The following EXT2 variants were observed in gnomAD, a reference collection of about 807,000 sequenced individuals.
The protein encoded by EXT2 is exostosin-2.
In EXT2, 53 loss-of-function variants were observed where a neutral mutation model predicts 81.6. That is an observed-to-expected ratio of 0.65 (90% CI 0.52 to 0.82). EXT2 has a LOEUF of 0.82. EXT2 is among the 40% of genes least tolerant of loss of function. The probability of loss-of-function intolerance (pLI) is 0.00; values close to 1 mark genes in which losing one functional copy is unlikely to be tolerated. For synonymous variants in EXT2, 320 were observed against 340.0 expected (o/e 0.94, Z 0.65); for missense variants, 774 against 910.2 (o/e 0.85, Z 1.93).
chr11:44,162,157 A>G (rs937277313), intron 7 of EXT2, among the ~76,000 whole-genome samples: 14 of 152,236 alleles, frequency 9.2e-5, no homozygotes, highest in Non-Finnish European at 1.5e-4. Flanking sequence ...TAATTGTACC[A>G]TGGTGATGTA....
chr11:44,101,111 G>T (rs1953975217), intron 1 of EXT2, among the ~76,000 whole-genome samples: 1 of 152,194 alleles, frequency 6.6e-6, no homozygotes. Context: ...GTGGGTTGGG[G>T]GTGGGGTGGG....
intron 8 of EXT2, among the ~76,000 whole-genome samples, chr11:44,187,294 C>G (rs1955328951): frequency 7.2e-6 from 1 of 138,610 alleles, no homozygotes; most frequent in African/African-American, 2.5e-5. Context: ...CCTCCTGCTT[C>G]AGCCTCCTAA....
At chr11:44,207,098 C>T (rs1369631547) in intron 10 of EXT2, 139 bp downstream of exon 10, 44 of 953,892 alleles carry the variant, frequency 4.6e-5, no homozygotes, top group Middle Eastern at 2.8e-4. Context: ...AAAAGGTGTG[C>T]GTAAGAGTGT....
At chr11:44,128,680 C>A (rs2135025218) in intron 6 of EXT2, among the ~76,000 whole-genome samples, 1 of 152,206 alleles carries the variant, frequency 6.6e-6, no homozygotes. Flanking sequence ...AAGGGTATTT[C>A]TATGAGAATC....
chr11:44,171,544 G>C (rs962698174), intron 7 of EXT2, 67 bp from the exon 8 acceptor site: 3 of 1,611,286 alleles, frequency 1.9e-6, no homozygotes, highest in Non-Finnish European at 2.5e-6. Flanking sequence ...AGTTGACTAT[G>C]ATAGAGTATC....
chr11:44,108,008 A>G lies in EXT2; in HGVS notation c.296A>G (p.Asn99Ser). The part of the protein sequence containing the change: ...TCFDVYRCGF[N>S]PKNKIKVYIY... Reference sequence around the variant, plus strand: ...TTTGATGTCTATCGCTGTGGCTTCAACCCAAAGAACAAAATCAAGGTGTAT... The same window carrying G: ...TTTGATGTCTATCGCTGTGGCTTCAGCCCAAAGAACAAAATCAAGGTGTAT... Residue 99 changes from asparagine to serine, a missense_variant, in exon 2 of 14, where the codon AAC becomes AGC. By Grantham distance (46) the Asn-to-Ser change is conservative. Coordinates refer to ENST00000533608, the MANE Select transcript of EXT2 (RefSeq NM_207122.2). The G allele has an allele frequency of 6.2e-7, 1 of 1,614,178 alleles. No individual in the cohort carries two copies.
At chr11:44,159,995 C>A (rs895493105) in intron 7 of EXT2, among the ~76,000 whole-genome samples, 4 of 152,176 alleles carry the variant, frequency 2.6e-5, no homozygotes, top group Non-Finnish European at 4.4e-5. Context: ...CTCCTCAGGG[C>A]AAATCTTGTT....
Position 44,231,624 on chromosome 11 carries a change from T to A in EXT2, c.1663-729T>A, listed in dbSNP as rs759469239. ...TGGTTGAGGAACTAGCAACAGAGAC[T>A]GAGAAGAAGCACCAAGACTAGCCAA... On this transcript the variant is annotated intron_variant, in intron 10 of 13. Coordinates refer to ENST00000533608, the MANE Select transcript of EXT2 (RefSeq NM_207122.2). Among the ~76,000 whole-genome samples the A allele has an allele frequency of 4.2e-4, 64 of 152,350 alleles. 1 individual carries two copies. Among genetic ancestry groups the A allele is most frequent in the Admixed American group, 2.8e-3 (43 of 15,310 alleles).
At chr11:44,148,393 G>T (rs1954749423) in intron 7 of EXT2, among the ~76,000 whole-genome samples, 2 of 152,208 alleles carry the variant, frequency 1.3e-5, no homozygotes, top group Non-Finnish European at 2.9e-5. Flanking sequence ...GAGAAAGGGA[G>T]ACTTCTGGAA....
intron 4 of EXT2, among the ~76,000 whole-genome samples, chr11:44,117,155 G>A (rs533003479): frequency 1.3e-5 from 2 of 152,136 alleles, no homozygotes; most frequent in East Asian, 3.9e-4. Context: ...TTTTTGCAGA[G>A]ACGGGGTTTC....
chr11:44,111,476 G>T (rs1954141645), intron 3 of EXT2, among the ~76,000 whole-genome samples: 3 of 152,170 alleles, frequency 2.0e-5, no homozygotes, highest in Admixed American at 6.5e-5. Context: ...AACTTGAGTA[G>T]GAGCATATTT....
intron 7 of EXT2, 128 bp downstream of exon 7, chr11:44,130,266 T>G: frequency 1.4e-6 from 1 of 738,796 alleles, no homozygotes; most frequent in Non-Finnish European, 2.5e-6. Flanking sequence ...CTAGCCAAAC[T>G]GAAACGATAG....
chr11:44,239,393 C>CT (rs1174306938), intron 13 of EXT2, among the ~76,000 whole-genome samples: 99,209 of 125,422 alleles, frequency 0.79, 40,069 homozygotes, highest in East Asian at 0.96. Flanking sequence ...TCTGTATATA[C>CT]TTTTTTTTTT....
At chr11:44,195,432 CAA>C in intron 8 of EXT2, among the ~76,000 whole-genome samples, 1 of 141,172 alleles carries the variant, frequency 7.1e-6, no homozygotes, top group Non-Finnish European at 1.5e-5. Context: ...AACTCTGTCT[CAA>C]AAAAAAAAAG....
At chr11:44,106,694 A>G (rs546569618) in intron 1 of EXT2, among the ~76,000 whole-genome samples, 7 of 152,106 alleles carry the variant, frequency 4.6e-5, no homozygotes, top group Admixed American at 1.3e-4. Flanking sequence ...CAGTGGCACG[A>G]TCTCGGCTCA....
In EXT2 at chr11:44,171,529, C is replaced by A. The variant is rs1955073092; in HGVS notation, c.1174-82C>A. On this transcript the variant is annotated intron_variant, in intron 7 of 13. Transcript: ENST00000533608. ...TTTGGGAATAAAGGAATTAGCCTAA[C>A]CTGGAGTTGACTATGATAGAGTATC... 2 of 1,604,498 alleles carry A rather than the reference C, an allele frequency of 1.2e-6. 1 individual carries two copies. The highest frequency in any genetic ancestry group is 2.2e-5 in the South Asian group (2 of 90,786).
In EXT2 at chr11:44,114,263, A is replaced by G. The variant is rs2134985149; in HGVS notation, c.705A>G (p.Pro235=). 1 of 1,614,060 alleles carries G rather than the reference A, an allele frequency of 6.2e-7. No individual in the cohort carries two copies. Among genetic ancestry groups the G allele is most frequent in the Non-Finnish European group, 8.5e-7 (1 of 1,179,968 alleles). Residue 235 remains proline, a synonymous_variant, in exon 4 of 14, where the codon CCA becomes CCG. Transcript: ENST00000533608. ...ATGTCAGCATTCCTGTCTATAGTCCACTGTCAGCTGAGGTGGATCTTCCAG... is the reference window on the plus strand; with the variant it reads ...ATGTCAGCATTCCTGTCTATAGTCCGCTGTCAGCTGAGGTGGATCTTCCAG... ...GYDVSIPVYS[P]LSAEVDLPEK...
At chr11:44,186,214 A>G (rs528719805) in intron 8 of EXT2, among the ~76,000 whole-genome samples, 1 of 152,368 alleles carries the variant, frequency 6.6e-6, no homozygotes, top group Admixed American at 6.5e-5. Context: ...AATCAATGGT[A>G]TGTTATCTTT....
At chr11:44,177,150 T>G (rs1331194858) in intron 8 of EXT2, among the ~76,000 whole-genome samples, 1 of 152,198 alleles carries the variant, frequency 6.6e-6, no homozygotes, top group African/African-American at 2.4e-5. Context: ...ATTGACCTTT[T>G]GTTTTGAAAG....
Sources: gnomAD v4.1 joint callset for allele counts (sites outside exome capture counted in the v4.1 genomes callset) on GRCh38, gnomAD v4.1.1 for gene constraint, MANE v1.5 for transcripts, NCBI Gene and HGNC (gene_info 2026-07-23, HGNC 2026-07-21) for gene names.